CRB1: variants seen among roughly 807,000 people sequenced by gnomAD.
CRB1 encodes protein crumbs homolog 1.
CRB1 carries 83 observed loss-of-function variants against 120.0 expected under a neutral mutation model. The ratio of observed to expected loss-of-function variants is 0.69; its 90% CI spans 0.58 to 0.83. CRB1 has a LOEUF of 0.83. Among genes scored for constraint, CRB1 ranks in the 40% least tolerant of loss-of-function variants. The pLI is 0.00. For missense variants in CRB1, 1,699 were observed against 1,687.6 expected (o/e 1.01, Z -0.12); for synonymous variants, 625 against 612.5 (o/e 1.02, Z -0.30).
intron 2 of CRB1, among the ~76,000 whole-genome samples, chr1:197,340,524 T>C (rs1000309267): frequency 3.3e-5 from 5 of 152,222 alleles, no homozygotes; most frequent in Admixed American, 2.0e-4. Context: ...AGAGAGTGAT[T>C]GCGAAAAGAG....
upstream of CRB1, among the ~76,000 whole-genome samples, chr1:197,267,923 T>C (rs1023069795): frequency 6.6e-6 from 1 of 152,206 alleles, no homozygotes; most frequent in Admixed American, 6.5e-5. Context: ...ATATAATTTA[T>C]GAACAGAAAA....
chr1:197,372,905 G>A (rs1464815568), intron 5 of CRB1, among the ~76,000 whole-genome samples: 1 of 152,096 alleles, frequency 6.6e-6, no homozygotes, highest in African/African-American at 2.4e-5. Flanking sequence ...GACAAATCCT[G>A]TAGTGAGTTT....
chr1:197,304,559 T>C lies in CRB1; in HGVS notation c.71-23863T>C, dbSNP rs190548044. 8.3e-3 allele frequency: 1,440 copies of C among 173,350 alleles called. 13 individuals carry two copies. Among genetic ancestry groups the C allele is most frequent in the Middle Eastern group, 0.012 (4 of 328 alleles). The allele number at this position is 173,350 out of a possible 1,614,324, so 10.7% of individuals were successfully genotyped here. A position where few individuals can be genotyped will look rare whatever the true frequency, so the allele number is the denominator to read the frequency against. On this transcript the variant is annotated intron_variant, in intron 1 of 11. Coordinates refer to ENST00000367400, the MANE Select transcript of CRB1 (RefSeq NM_201253.3). The stretch of plus-strand genomic sequence containing the variant: ...CTCAGCCTTCATCCCACCCTCCACC[T>C]ATGTGGTTTTCTATATTGTAGATTC...
the CRB1 span, among the ~76,000 whole-genome samples, chr1:197,240,491 G>A: frequency 5.3e-5 from 8 of 152,078 alleles, no homozygotes; most frequent in South Asian, 8.3e-4. Context: ...TCCTGTGTTA[G>A]TTTGCTGAGA....
chr1:197,235,408 A>G, the CRB1 span, among the ~76,000 whole-genome samples: 1 of 152,188 alleles, frequency 6.6e-6, no homozygotes, highest in Non-Finnish European at 1.5e-5. Flanking sequence ...GTAGGACCAC[A>G]GAAGCTTGAA....
the CRB1 span, among the ~76,000 whole-genome samples, chr1:197,208,730 G>A: frequency 1.3e-5 from 2 of 152,154 alleles, no homozygotes; most frequent in East Asian, 1.9e-4. Context: ...CATCACCTCC[G>A]GTTGTGTGGG....
chr1:197,381,406 A>G (rs1192391930), intron 5 of CRB1, among the ~76,000 whole-genome samples: 1 of 152,242 alleles, frequency 6.6e-6, no homozygotes, highest in Non-Finnish European at 1.5e-5. Flanking sequence ...ATGCAGACAT[A>G]ATCATCAAAC....
chr1:197,403,992 T>A (rs1287515682), intron 5 of CRB1, among the ~76,000 whole-genome samples: 1 of 152,214 alleles, frequency 6.6e-6, no homozygotes, highest in East Asian at 1.9e-4. Context: ...GTAATAATAC[T>A]AAACTGTACT....
At chr1:197,457,761 A>C (rs1167727037) in intron 11 of CRB1, among the ~76,000 whole-genome samples, 2 of 152,144 alleles carry the variant, frequency 1.3e-5, no homozygotes, top group Non-Finnish European at 2.9e-5. Context: ...AGAAGAACAA[A>C]AAGCACATTT....
At chr1:197,244,357 C>G in the CRB1 span, among the ~76,000 whole-genome samples, 1 of 151,652 alleles carries the variant, frequency 6.6e-6, no homozygotes, top group Non-Finnish European at 1.5e-5. Flanking sequence ...TGTAGATCTG[C>G]TGGCAGCAAA....
chr1:197,228,356 T>C, the CRB1 span, among the ~76,000 whole-genome samples: 1 of 152,236 alleles, frequency 6.6e-6, no homozygotes, highest in Non-Finnish European at 1.5e-5. Context: ...TTGAATGCTG[T>C]GCTGCTTAGA....
intron 4 of CRB1, among the ~76,000 whole-genome samples, chr1:197,351,405 G>C (rs1008978710): frequency 6.8e-6 from 1 of 147,888 alleles, no homozygotes; most frequent in Non-Finnish European, 1.5e-5. Context: ...AAAGAAAAGA[G>C]AAAAAAAGAA....
chr1:197,452,294 A>G (rs566961374), intron 11 of CRB1, among the ~76,000 whole-genome samples: 9 of 152,354 alleles, frequency 5.9e-5, no homozygotes, highest in African/African-American at 1.9e-4. Context: ...GAGTCCCTGC[A>G]TACGTGACCT....
chr1:197,335,388 G>T (rs922358328), intron 2 of CRB1, among the ~76,000 whole-genome samples: 1 of 152,182 alleles, frequency 6.6e-6, no homozygotes, highest in Non-Finnish European at 1.5e-5. Context: ...TGCAGGGGGC[G>T]ATAAGCATGG....
chr1:197,232,116 A>G, the CRB1 span, among the ~76,000 whole-genome samples: 1 of 152,180 alleles, frequency 6.6e-6, no homozygotes, highest in East Asian at 1.9e-4. Flanking sequence ...TGATGCAGCA[A>G]TGAACTAAGG....
chr1:197,225,679 G>T, the CRB1 span, among the ~76,000 whole-genome samples: 1 of 152,210 alleles, frequency 6.6e-6, no homozygotes, highest in Admixed American at 6.5e-5. Flanking sequence ...TGCAATGTGG[G>T]CATGAAAACA....
chr1:197,342,656 A>G (rs1277782383), intron 2 of CRB1, among the ~76,000 whole-genome samples: 2 of 152,136 alleles, frequency 1.3e-5, no homozygotes, highest in Non-Finnish European at 2.9e-5. Flanking sequence ...TTTATTGATA[A>G]GTGAATTTAA....
chr1:197,202,280 C>A, the CRB1 span, among the ~76,000 whole-genome samples: 1 of 152,078 alleles, frequency 6.6e-6, no homozygotes, highest in Non-Finnish European at 1.5e-5. Context: ...CTCCGATTTT[C>A]TTGGGAATTG....
intron 11 of CRB1, among the ~76,000 whole-genome samples, chr1:197,445,310 G>C (rs532913782): frequency 6.6e-6 from 1 of 152,106 alleles, no homozygotes; most frequent in Non-Finnish European, 1.5e-5. Flanking sequence ...GTTTGGCCAT[G>C]CCTCCTTTTT....
Sources: gnomAD v4.1 joint callset for allele counts (sites outside exome capture counted in the v4.1 genomes callset) on GRCh38, gnomAD v4.1.1 for gene constraint, MANE v1.5 for transcripts, NCBI Gene and HGNC (gene_info 2026-07-23, HGNC 2026-07-21) for gene names.